The following ADGRG7 variants were observed in gnomAD, a reference collection of about 807,000 sequenced individuals.
The protein encoded by ADGRG7 is G-protein coupled receptor 128.
ADGRG7 carries 82 observed loss-of-function variants against 88.6 expected under a neutral mutation model. The ratio of observed to expected loss-of-function variants is 0.93; its 90% confidence interval spans 0.77 to 1.11. The LOEUF is 1.11. Ranked by LOEUF, ADGRG7 falls within the 50% of genes most tolerant of loss-of-function variation. ADGRG7 has a pLI of 0.00. For synonymous variants in ADGRG7, 381 were observed against 345.2 expected (o/e 1.10, Z -1.15); for missense variants, 945 against 953.4 (o/e 0.99, Z 0.12).
chr3:100,655,448 T>C (rs1206795666), intron 12 of ADGRG7, among the ~76,000 whole-genome samples: 1 of 152,194 alleles, frequency 6.6e-6, no homozygotes, highest in Non-Finnish European at 1.5e-5. Flanking sequence ...TTTTTATTAA[T>C]TTGATTTGAG....
Position 100,635,691 on chromosome 3 carries a change from A to G in ADGRG7, c.462A>G (p.Thr154=). 1.2e-6 allele frequency: 2 copies of G among 1,613,772 alleles called. No individual in the cohort carries two copies. ...ETLEKQVKDV[T]APLNNISSEV... ...TTTTAAAACAGGTAAAGGATGTCAC[A>G]GCACCACTTAATAACATTTCTTCTG... The change falls in exon 5 of 16, where the codon ACA becomes ACG. Residue 154 remains threonine (T), a synonymous_variant. Coordinates refer to ENST00000273352, the MANE Select transcript of ADGRG7 (RefSeq NM_032787.3).
intron 1 of ADGRG7, among the ~76,000 whole-genome samples, chr3:100,629,090 G>A (rs775831385): frequency 1.3e-5 from 2 of 152,024 alleles, no homozygotes; most frequent in South Asian, 2.1e-4. Flanking sequence ...ATGTTTTTGT[G>A]ATTTTTGCAG....
chr3:100,672,024 G>T (rs1382468280), intron 15 of ADGRG7, among the ~76,000 whole-genome samples: 1 of 152,194 alleles, frequency 6.6e-6, no homozygotes, highest in Non-Finnish European at 1.5e-5. Flanking sequence ...GCTTAGGATT[G>T]TCTTGGCTAT....
chr3:100,683,837 T>A (rs1303655180), intron 15 of ADGRG7, among the ~76,000 whole-genome samples: 1 of 152,258 alleles, frequency 6.6e-6, no homozygotes, highest in East Asian at 1.9e-4. Context: ...TATTTTTTTA[T>A]AAAACCTCAT....
chr3:100,643,572 T>C lies in ADGRG7; in HGVS notation c.885T>C (p.Asn295=), dbSNP rs145200978. 7.4e-6 allele frequency: 12 copies of C among 1,613,932 alleles called. No individual in the cohort carries two copies. The highest frequency in any genetic ancestry group is 2.7e-5 in the African/African-American group (2 of 74,934). Reference sequence around the variant, plus strand: ...CTAGTTCAACATTTATACATACAAATGTGGATGGCCTTAACCCAGATGCAC... The same window carrying C: ...CTAGTTCAACATTTATACATACAAACGTGGATGGCCTTAACCCAGATGCAC... The part of the protein sequence containing the change: ...LVSSSTFIHT[N]VDGLNPDAQT... Residue 295 remains asparagine, a synonymous_variant, in exon 8 of 16, where the codon AAT becomes AAC. Coordinates refer to ENST00000273352, the MANE Select transcript of ADGRG7 (RefSeq NM_032787.3).
At chr3:100,637,644 G>A in intron 6 of ADGRG7, 1 of 435,004 alleles carries the variant, frequency 2.3e-6, no homozygotes, top group Non-Finnish European at 4.2e-6. Flanking sequence ...TAACTGGGCT[G>A]ATTTAGATTA....
At chr3:100,666,905 C>A (rs1232737805) in intron 14 of ADGRG7, among the ~76,000 whole-genome samples, 2 of 152,174 alleles carry the variant, frequency 1.3e-5, no homozygotes, top group Non-Finnish European at 2.9e-5. Context: ...TCTTGCGCAA[C>A]CCTTAATCCA....
intron 4 of ADGRG7, 158 bp from the exon 5 acceptor site, chr3:100,635,519 T>G: frequency 7.0e-7 from 1 of 1,431,682 alleles, no homozygotes; most frequent in Non-Finnish European, 9.2e-7. Flanking sequence ...TACTTTGTCC[T>G]TTACACAAGG....
At position 100,643,633 on chromosome 3, in the gene ADGRG7, A is replaced by C; in HGVS notation, c.946A>C (p.Asn316His). The change falls in exon 8 of 16, where the codon AAT (asparagine) becomes CAT (histidine). Residue 316 changes from asparagine to histidine, a missense_variant and splice_region_variant. Coordinates refer to ENST00000273352, the MANE Select transcript of ADGRG7 (RefSeq NM_032787.3). ...ELQVLLNMTK[N>H]YTKTCGFVVY... Reference sequence around the variant, plus strand: ...TCAGGTCTTGCTTAATATGACGAAAAGTAAGTCTCAAACTTTGTGACATTT... The same window carrying C: ...TCAGGTCTTGCTTAATATGACGAAACGTAAGTCTCAAACTTTGTGACATTT... 1.2e-6 allele frequency: 2 copies of C among 1,603,110 alleles called. No homozygotes were observed. Among genetic ancestry groups the C allele is most frequent in the Non-Finnish European group, 8.5e-7 (1 of 1,171,244 alleles).
At chr3:100,654,007 C>T (rs1393655698) in intron 11 of ADGRG7, among the ~76,000 whole-genome samples, 1 of 152,148 alleles carries the variant, frequency 6.6e-6, no homozygotes, top group Non-Finnish European at 1.5e-5. Context: ...AAAAGGGAAA[C>T]AGGGACTATC....
At chr3:100,665,534 CTAT>C (rs2094950686) in intron 14 of ADGRG7, 14 of 434,682 alleles carry the variant, frequency 3.2e-5, no homozygotes, top group South Asian at 2.5e-4. Context: ...TCTAGTGGGA[CTAT>C]ATCTTACATA....
intron 11 of ADGRG7, 51 bp downstream of exon 11, chr3:100,649,858 A>C (rs745839151): frequency 5.2e-5 from 53 of 1,013,908 alleles, no homozygotes; most frequent in Non-Finnish European, 6.5e-5. Context: ...ATCTTGATAT[A>C]ATTTACTCTG....
chr3:100,694,802 C>G lies in ADGRG7; in HGVS notation c.2195C>G (p.Ser732Cys). The G allele has an allele frequency of 6.2e-7, 1 of 1,614,118 alleles. No individual in the cohort carries two copies. Among genetic ancestry groups the G allele is most frequent in the East Asian group, 2.2e-5 (1 of 44,888 alleles). The change falls in exon 16 of 16, where the codon TCC becomes TGC. Residue 732 changes from serine (S) to cysteine (C), a missense_variant. Coordinates refer to ENST00000273352, the MANE Select transcript of ADGRG7 (RefSeq NM_032787.3). ...VRTKVFQSEA[S>C]KVLMLLSSIG... Reference sequence around the variant, plus strand: ...ACAAAAGTCTTCCAGAGTGAAGCTTCCAAAGTGTTGATGTTGCTATCGTCT... The same window carrying G: ...ACAAAAGTCTTCCAGAGTGAAGCTTGCAAAGTGTTGATGTTGCTATCGTCT...
At chr3:100,616,150 G>T (rs1707222196) in intron 1 of ADGRG7, among the ~76,000 whole-genome samples, 2 of 152,030 alleles carry the variant, frequency 1.3e-5, no homozygotes, top group African/African-American at 2.4e-5. Context: ...CGTAAAAGAA[G>T]TAATCATGAA....
intron 1 of ADGRG7, among the ~76,000 whole-genome samples, chr3:100,618,529 A>G (rs1410660376): frequency 4.6e-5 from 7 of 152,120 alleles, no homozygotes; most frequent in Admixed American, 4.6e-4. Flanking sequence ...ATGGTTGTAG[A>G]TATGAGGCAT....
intron 10 of ADGRG7, among the ~76,000 whole-genome samples, chr3:100,648,186 C>T (rs1707787334): frequency 1.3e-5 from 2 of 152,056 alleles, no homozygotes; most frequent in Admixed American, 1.3e-4. Flanking sequence ...GTTATCTTTT[C>T]CCTTTCTTGA....
chr3:100,645,910 C>A, intron 8 of ADGRG7, 35 bp from the exon 9 acceptor site: 1 of 1,583,526 alleles, frequency 6.3e-7, no homozygotes, highest in Non-Finnish European at 8.6e-7. Flanking sequence ...CCTTACAGTG[C>A]ACTTATTGAT....
chr3:100,635,844 T>A lies in ADGRG7; in HGVS notation c.597+18T>A, dbSNP rs1707531380. The A allele has an allele frequency of 6.4e-7, 1 of 1,573,810 alleles. No individual in the cohort carries two copies. ...CACCTGAGGTAAAACTCACAGAGCT[T>A]TAAAAAAAATTTTTTTTTTATTTTT... On this transcript the variant is annotated intron_variant, in intron 5 of 15. Transcript: ENST00000273352.
chr3:100,638,992 G>GT (rs1174046718), intron 6 of ADGRG7, among the ~76,000 whole-genome samples: 3 of 149,756 alleles, frequency 2.0e-5, no homozygotes, highest in South Asian at 2.1e-4. Flanking sequence ...TATATTCCAG[G>GT]TTTTTTTCCC....
Sources: allele counts gnomAD v4.1 joint callset (sites outside exome capture counted in the v4.1 genomes callset), GRCh38; gene constraint gnomAD v4.1.1; transcripts MANE v1.5; gene names NCBI Gene and HGNC (gene_info 2026-07-23, HGNC 2026-07-21).